GLT8D2: variants seen among roughly 807,000 people sequenced by gnomAD.
The protein encoded by GLT8D2 is glycosyltransferase 8 domain-containing protein 2.
Under a neutral mutation model 44.5 loss-of-function variants are expected in GLT8D2, and 45 were observed. The observed-to-expected ratio is 1.01, with a 90% CI of 0.80 to 1.30. The LOEUF (loss-of-function observed/expected upper bound fraction) is 1.30, where lower values mean the gene tolerates loss of function less well. GLT8D2 is among the 50% of genes most tolerant of loss of function. The pLI, the probability that GLT8D2 is intolerant of heterozygous loss-of-function variation, is 0.00. For synonymous variants in GLT8D2, 156 were observed against 157.2 expected (o/e 0.99, Z 0.06); for missense variants, 400 against 430.4 (o/e 0.93, Z 0.62).
At chr12:103,992,974 A>G (rs573998024) in intron 10 of GLT8D2, among the ~76,000 whole-genome samples, 26 of 152,260 alleles carry the variant, frequency 1.7e-4, no homozygotes, top group Admixed American at 5.9e-4. Flanking sequence ...GAGGATTTCA[A>G]TTGAACAACC....
chr12:104,007,335 A>G (rs1875204077), intron 4 of GLT8D2, among the ~76,000 whole-genome samples: 1 of 136,276 alleles, frequency 7.3e-6, no homozygotes, highest in Non-Finnish European at 1.5e-5. Flanking sequence ...GAAAACCTCT[A>G]TCCCTGAGGT....
chr12:104,056,138 C>G (rs555217945), intron 1 of GLT8D2, among the ~76,000 whole-genome samples: 1 of 152,334 alleles, frequency 6.6e-6, no homozygotes, highest in African/African-American at 2.4e-5. Flanking sequence ...GCCTGGAGCC[C>G]TGCCTTGCTC....
intron 9 of GLT8D2, 43 bp from the exon 10 acceptor site, chr12:103,993,547 C>T: frequency 7.7e-7 from 1 of 1,306,994 alleles, no homozygotes. Context: ...CTGGAGCCCC[C>T]ACAAACTCAG....
At chr12:104,018,835 G>A (rs1443025884) in intron 3 of GLT8D2, among the ~76,000 whole-genome samples, 1 of 151,998 alleles carries the variant, frequency 6.6e-6, no homozygotes, top group Non-Finnish European at 1.5e-5. Flanking sequence ...CTGAGTCTTT[G>A]TTTGCTGAAT....
In GLT8D2 at chr12:104,042,839, T is replaced by C. The variant is rs1880706369; in HGVS notation, c.-164+7056A>G. On this transcript the variant is annotated intron_variant, in intron 1 of 10. Transcript: ENST00000360814. ...GAAAGTTGATGAATTTGTGTTGGGC[T>C]GCATCCAAAGCTGTCCAGCACTGCC... 2.0e-5 allele frequency among the ~76,000 whole-genome samples: 3 copies of C among 152,216 alleles called. No individual in the cohort carries two copies. In the South Asian group the frequency reaches 6.2e-4, roughly 32 times the overall value.
upstream of GLT8D2, among the ~76,000 whole-genome samples, chr12:104,053,551 C>T (rs1881898135): frequency 6.6e-6 from 1 of 152,178 alleles, no homozygotes; most frequent in African/African-American, 2.4e-5. Flanking sequence ...TCAATAAGGA[C>T]TCAAGAAATG....
chr12:103,989,274 C>T lies in GLT8D2; in HGVS notation c.*134G>A. The T allele has an allele frequency of 1.5e-6, 1 of 661,798 alleles. No individual in the cohort carries two copies. The highest frequency in any genetic ancestry group is 2.5e-6 in the Non-Finnish European group (1 of 405,166). The allele number at this position is 661,798 out of a possible 1,614,324, so 41.0% of individuals were successfully genotyped here. On this transcript the variant is annotated 3_prime_UTR_variant, in exon 11 of 11. Coordinates refer to ENST00000360814, the MANE Select transcript of GLT8D2 (RefSeq NM_001384711.1). The stretch of plus-strand genomic sequence containing the variant: ...TATATGGTCCAAGGTATAATTTGCA[C>T]ACAGTAGTTTTTGGTTTTTATATTG...
chr12:104,057,125 G>A (rs1466761093), intron 1 of GLT8D2, among the ~76,000 whole-genome samples: 1 of 152,130 alleles, frequency 6.6e-6, no homozygotes, highest in Non-Finnish European at 1.5e-5. Context: ...ACACAAATAA[G>A]GAAGGAAGTT....
chr12:104,050,373 A>G (rs1344873061), upstream of GLT8D2: 1 of 152,266 alleles, frequency 6.6e-6, no homozygotes, highest in African/African-American at 2.4e-5. Flanking sequence ...GCAAACTTTG[A>G]AAGAACACCA....
intron 4 of GLT8D2, among the ~76,000 whole-genome samples, chr12:104,005,568 A>C (rs1443787979): frequency 3.9e-5 from 6 of 152,162 alleles, no homozygotes; most frequent in Non-Finnish European, 5.9e-5. Flanking sequence ...AACAAGTGGG[A>C]GAAGGATATG....
At chr12:104,061,448 A>G (rs975188216) in intron 1 of GLT8D2, among the ~76,000 whole-genome samples, 8 of 152,356 alleles carry the variant, frequency 5.3e-5, no homozygotes, top group African/African-American at 9.6e-5. Context: ...CTCTCAGAAC[A>G]AAGTACAGTT....
intron 10 of GLT8D2, 21 bp downstream of exon 10, chr12:103,993,369 AAC>A (rs938428531): frequency 1.7e-5 from 27 of 1,555,846 alleles, no homozygotes; most frequent in Non-Finnish European, 2.3e-5. Flanking sequence ...CGTTTTTCTA[AAC>A]AGTTTTTCTG....
At chr12:103,993,968 C>T (rs375989537) in intron 9 of GLT8D2, 2 of 162,920 alleles carry the variant, frequency 1.2e-5, no homozygotes, top group Middle Eastern at 2.8e-3. Context: ...AAAAATAAAC[C>T]TTAAAAAGCA....
chr12:103,991,782 T>C (rs1003840002), intron 10 of GLT8D2, among the ~76,000 whole-genome samples: 1 of 132,952 alleles, frequency 7.5e-6, no homozygotes, highest in Non-Finnish European at 1.5e-5. Flanking sequence ...CACAGAATCA[T>C]CGAGAGCATA....
chr12:104,024,424 C>G (rs1005221399), intron 1 of GLT8D2, among the ~76,000 whole-genome samples: 3 of 151,798 alleles, frequency 2.0e-5, no homozygotes, highest in Non-Finnish European at 4.4e-5. Flanking sequence ...CAGAGAGAGA[C>G]CTTGTCTGAA....
intron 1 of GLT8D2, among the ~76,000 whole-genome samples, chr12:104,047,276 G>A (rs1881255021): frequency 6.6e-6 from 1 of 151,366 alleles, no homozygotes; most frequent in East Asian, 1.9e-4. Flanking sequence ...GTCCTCCATG[G>A]TGGAAGGGGT....
At chr12:104,008,755 C>T (rs955960577) in intron 4 of GLT8D2, among the ~76,000 whole-genome samples, 4 of 152,242 alleles carry the variant, frequency 2.6e-5, no homozygotes, top group African/African-American at 9.6e-5. Context: ...GGGTCCTGTG[C>T]TGCATGCAGC....
chr12:104,007,757 T>C (rs1299887916), intron 4 of GLT8D2, among the ~76,000 whole-genome samples: 2 of 152,224 alleles, frequency 1.3e-5, no homozygotes, highest in Non-Finnish European at 2.9e-5. Flanking sequence ...AATCTCATCA[T>C]GAATTATACT....
At chr12:104,025,327 G>T (rs1218330574) in intron 1 of GLT8D2, among the ~76,000 whole-genome samples, 1 of 151,734 alleles carries the variant, frequency 6.6e-6, no homozygotes, top group Non-Finnish European at 1.5e-5. Flanking sequence ...TCCTACCTCA[G>T]CCTCCCAAGC....
Sources: gnomAD v4.1 joint callset for allele counts (sites outside exome capture counted in the v4.1 genomes callset) on GRCh38, gnomAD v4.1.1 for gene constraint, MANE v1.5 for transcripts, NCBI Gene and HGNC (gene_info 2026-07-23, HGNC 2026-07-21) for gene names.